Variants in AGAP3 observed in about 807,000 individuals in gnomAD.
AGAP3 encodes the protein arf-GAP with GTPase, ANK repeat and PH domain-containing protein 3.
AGAP3 carries 24 observed loss-of-function variants against 96.9 expected under a neutral mutation model. That is an observed-to-expected ratio of 0.25 (90% CI 0.18 to 0.35). The LOEUF (loss-of-function observed/expected upper bound fraction) is 0.35, where lower values mean the gene tolerates loss of function less well. AGAP3 is among the 10% of genes least tolerant of loss of function. The pLI is 1.00. For synonymous variants in AGAP3, 563 were observed against 536.1 expected (o/e 1.05, Z -0.69); for missense variants, 876 against 1,254.2 (o/e 0.70, Z 4.55).
rs567601703 is a variant in AGAP3 at position 151,121,879 on chromosome 7, G to A, written c.1128+1734G>A. Among the ~76,000 whole-genome samples, 6 of 152,084 alleles carry A rather than the reference G, an allele frequency of 3.9e-5. No individual in the cohort carries two copies. In the East Asian group the frequency reaches 5.8e-4, roughly 15 times the overall value. On this transcript the variant is annotated intron_variant, in intron 8 of 17. Coordinates refer to ENST00000397238, the MANE Select transcript of AGAP3 (RefSeq NM_031946.7). Reference sequence around the variant, plus strand: ...GGGGCCTCCCCTCTTCTCCCTCATCGTCCTCCCCAGCAGCGACATGCTTGC... The same window carrying A: ...GGGGCCTCCCCTCTTCTCCCTCATCATCCTCCCCAGCAGCGACATGCTTGC...
At chr7:151,112,637 G>C (rs1799345631) in intron 1 of AGAP3, among the ~76,000 whole-genome samples, 1 of 151,972 alleles carries the variant, frequency 6.6e-6, no homozygotes, top group Non-Finnish European at 1.5e-5. Context: ...CTCACTCTGT[G>C]GCCCAGGCTG....
At chr7:151,126,002 A>G (rs901374687) in intron 9 of AGAP3, among the ~76,000 whole-genome samples, 2 of 109,654 alleles carry the variant, frequency 1.8e-5, no homozygotes, top group Non-Finnish European at 3.7e-5. Context: ...GGGAGTGGGA[A>G]GAGGCACGGG....
In AGAP3 at chr7:151,139,007, C is replaced by G. The variant is rs1051263752; in HGVS notation, c.1666+694C>G. Among the ~76,000 whole-genome samples the G allele has an allele frequency of 2.6e-5, 4 of 152,210 alleles. No individual in the cohort carries two copies. The highest frequency in any genetic ancestry group is 9.6e-5 in the African/African-American group (4 of 41,464). On this transcript the variant is annotated intron_variant, in intron 12 of 17. Transcript: ENST00000397238. The surrounding 1 kb of genome is among the most constrained non-coding windows in gnomAD (Gnocchi z 4.9). ...TCTCTCTGCTTTTCTTCTTTTGACC[C>G]TACTTGTTACTTTCATCATTGACCA... is the stretch of plus-strand genomic sequence containing the variant.
intron 8 of AGAP3, chr7:151,123,415 G>T: frequency 9.2e-7 from 1 of 1,086,652 alleles, no homozygotes; most frequent in Non-Finnish European, 1.1e-6. Flanking sequence ...CCATCTGCCC[G>T]CTCACTTGTG....
intron 1 of AGAP3, among the ~76,000 whole-genome samples, chr7:151,102,294 G>A (rs2150425030): frequency 6.6e-6 from 1 of 152,318 alleles, no homozygotes; most frequent in African/African-American, 2.4e-5. Context: ...CACCGCAGTA[G>A]TGCTTTTATT....
At chr7:151,138,352 C>T (rs781661977) in intron 12 of AGAP3, 39 bp downstream of exon 12, 135 of 1,570,690 alleles carry the variant, frequency 8.6e-5, no homozygotes, top group Admixed American at 1.9e-4. Flanking sequence ...TTTTCTGGGG[C>T]CCCAGTGACA....
intron 7 of AGAP3, chr7:151,119,189 C>G (rs752768170): frequency 1.2e-5 from 2 of 170,152 alleles, no homozygotes; most frequent in Non-Finnish European, 2.6e-5. Flanking sequence ...CAGCTCACTT[C>G]TGCAGTGGTC....
intron 1 of AGAP3, among the ~76,000 whole-genome samples, chr7:151,107,233 C>T (rs1057163236): frequency 6.6e-6 from 1 of 151,938 alleles, no homozygotes; most frequent in Non-Finnish European, 1.5e-5. Context: ...TCACTTGAAC[C>T]CGGGAGGCGG....
At chr7:151,126,870 A>T (rs1453406358) in intron 9 of AGAP3, among the ~76,000 whole-genome samples, 2 of 152,218 alleles carry the variant, frequency 1.3e-5, no homozygotes, top group Non-Finnish European at 2.9e-5. Context: ...TCCCAGGCCA[A>T]GGGGGCCAGG....
rs755026462 is a variant in AGAP3, at chr7:151,119,972, C to T, written c.970-15C>T. Reference sequence around the variant, plus strand: ...CTGACCCGGAGCTGCCCTCAGCAGCCCTCTTTGTCCTTAGGCCACGAATGG... The same window carrying T: ...CTGACCCGGAGCTGCCCTCAGCAGCTCTCTTTGTCCTTAGGCCACGAATGG... On this transcript the variant is annotated splice_polypyrimidine_tract_variant and intron_variant, in intron 7 of 17. Transcript: ENST00000397238. The T allele has an allele frequency of 7.4e-6, 12 of 1,613,066 alleles. No homozygotes were observed. The highest frequency in any genetic ancestry group is 3.3e-4 in the Middle Eastern group (2 of 6,060).
chr7:151,143,756 G>A lies in AGAP3; in HGVS notation c.2549G>A (p.Ser850Asn). ...LLIWYGVDVR[S>N]RDARGLTPLA... ...CTACAGTACGGGGTGGACGTGAGGA[G>A]CCGGGACGCCCGGGGCCTGACTCCA... is the stretch of plus-strand genomic sequence containing the variant. The change falls in exon 18 of 18, where the codon AGC becomes AAC. Residue 850 changes from serine to asparagine, a missense_variant. Ser to Asn is a conservative substitution (Grantham distance 46). Coordinates refer to ENST00000397238, the MANE Select transcript of AGAP3 (RefSeq NM_031946.7). This position sits in a 1 kb window ranked among gnomAD's most constrained non-coding sequence, Gnocchi z 5.9. 1 of 1,614,188 alleles carries A rather than the reference G, an allele frequency of 6.2e-7. No individual in the cohort carries two copies. Among genetic ancestry groups the A allele is most frequent in the South Asian group, 1.1e-5 (1 of 91,076 alleles).
Position 151,128,801 on chromosome 7 carries a change from C to G in AGAP3, c.1326+117C>G, listed in dbSNP as rs1800286649. ...GACGGGAAGCAGACCTTAGTGATTT[C>G]AAATGGCTCATCCCTGGAGAAGGAA... is the stretch of plus-strand genomic sequence containing the variant. On this transcript the variant is annotated intron_variant, in intron 10 of 17. Coordinates refer to ENST00000397238, the MANE Select transcript of AGAP3 (RefSeq NM_031946.7). The G allele has an allele frequency of 8.2e-6, 7 of 852,392 alleles. No homozygotes were observed. In the East Asian group the frequency reaches 1.8e-4, roughly 22 times the overall value. The allele number at this position is 852,392 out of a possible 1,614,324, so 52.8% of individuals were successfully genotyped here.
At position 151,143,610 on chromosome 7, in the gene AGAP3, C is replaced by T; in HGVS notation, c.2529+14C>T. The T allele has an allele frequency of 6.3e-7, 1 of 1,597,378 alleles. No homozygotes were observed. On this transcript the variant is annotated intron_variant, in intron 17 of 17. Transcript: ENST00000397238. This position sits in a 1 kb window ranked among gnomAD's most constrained non-coding sequence, Gnocchi z 5.9. ...CTGCTCATCTGGGTGAGTCACGTGC[C>T]TCTAGCCTGCCCTGACCTCGCTCTT...
At chr7:151,103,590 C>T (rs1391481256) in intron 1 of AGAP3, among the ~76,000 whole-genome samples, 1 of 152,214 alleles carries the variant, frequency 6.6e-6, no homozygotes, top group East Asian at 1.9e-4. Context: ...GACACATCTT[C>T]CCAAGCTCTT....
intron 1 of AGAP3, among the ~76,000 whole-genome samples, chr7:151,088,996 G>C (rs528699857): frequency 6.6e-6 from 1 of 151,986 alleles, no homozygotes; most frequent in Non-Finnish European, 1.5e-5. Context: ...CGACCCAGCC[G>C]CGGCTCACAC....
At chr7:151,128,757 GCAGA>G (rs1800285298) in intron 10 of AGAP3, 73 bp downstream of exon 10, 2 of 1,303,196 alleles carry the variant, frequency 1.5e-6, no homozygotes, top group Non-Finnish European at 2.2e-6. Flanking sequence ...AATGCGGGTA[GCAGA>G]CAGGCTCCAG....
intron 8 of AGAP3, among the ~76,000 whole-genome samples, chr7:151,122,401 G>A (rs891754257): frequency 6.6e-6 from 1 of 152,236 alleles, no homozygotes; most frequent in Non-Finnish European, 1.5e-5. Context: ...CTGGCAGCCT[G>A]GGAGAACGGG....
intron 4 of AGAP3, 53 bp downstream of exon 4, chr7:151,117,509 C>A (rs1315376395): frequency 1.2e-6 from 2 of 1,613,492 alleles, no homozygotes; most frequent in Non-Finnish European, 1.7e-6. Context: ...AGCCCTTTCT[C>A]GAGCTTGCTG....
Position 151,140,289 on chromosome 7 carries a change from T to C in AGAP3, c.1804+173T>C, listed in dbSNP as rs1357659544. The C allele has an allele frequency of 5.5e-6, 4 of 727,268 alleles. No homozygotes were observed. In the Admixed American group the frequency reaches 1.7e-4, roughly 32 times the overall value. 45.1% of individuals were successfully genotyped at this position (727,268 alleles called of 1,614,324 possible). A position where few individuals can be genotyped will look rare whatever the true frequency, so the allele number is the denominator to read the frequency against. ...TTCTTTTGGTAATCTAGACCTGGTA[T>C]CTTAGAAAAGTTCTTCTGATAACTG... On this transcript the variant is annotated intron_variant, in intron 13 of 17. Coordinates refer to ENST00000397238, the MANE Select transcript of AGAP3 (RefSeq NM_031946.7). This position sits in a 1 kb window ranked among gnomAD's most constrained non-coding sequence, Gnocchi z 5.4.
Sources: allele counts gnomAD v4.1 joint callset (sites outside exome capture counted in the v4.1 genomes callset), GRCh38; gene constraint gnomAD v4.1.1; non-coding constraint Gnocchi (gnomAD v3.1); transcripts MANE v1.5; gene names NCBI Gene and HGNC (gene_info 2026-07-23, HGNC 2026-07-21).